Variants in NT5DC3 observed in about 807,000 individuals in gnomAD.
NT5DC3 encodes 5'-nucleotidase domain containing 3.
A neutral mutation model predicts 67.8 loss-of-function variants in NT5DC3; 42 were observed. The ratio of observed to expected loss-of-function variants is 0.62; its 90% CI spans 0.48 to 0.80. The LOEUF is 0.80. NT5DC3 is among the 30% of genes least tolerant of loss of function. NT5DC3 has a pLI of 0.00. For synonymous variants in NT5DC3, 237 were observed against 255.6 expected, an observed-to-expected ratio of 0.93 and a Z score of 0.69; for missense variants, 570 against 696.4, an observed-to-expected ratio of 0.82 and a Z score of 2.04.
chr12:103,748,615 C>CACACACAT, the NT5DC3 span, among the ~76,000 whole-genome samples: 1 of 33,062 alleles, frequency 3.0e-5, no homozygotes, highest in South Asian at 8.0e-4. Flanking sequence ...TACACACACA[C>CACACACAT]ACACACACAC....
intron 4 of NT5DC3, among the ~76,000 whole-genome samples, chr12:103,805,368 G>T (rs938506332): frequency 2.0e-5 from 3 of 152,182 alleles, no homozygotes; most frequent in Non-Finnish European, 4.4e-5. Context: ...TTGACTGTGT[G>T]ACTCTATCCA....
At chr12:103,768,550 A>AT, downstream of NT5DC3, among the ~76,000 whole-genome samples, 1 of 3,728 alleles carries the variant, frequency 2.7e-4, no homozygotes, top group Non-Finnish European at 4.9e-4. Flanking sequence ...GGGGAGAGGG[A>AT]GGGAGGCGGA....
In NT5DC3 at chr12:103,780,328, C is replaced by G; in HGVS notation, c.1366G>C (p.Glu456Gln). The change falls in exon 13 of 14, where the codon GAG (glutamate) becomes CAG (glutamine). Residue 456 changes from glutamate (E) to glutamine (Q), a missense_variant. Physicochemically the swap from Glu to Gln is conservative, Grantham distance 29 (BLOSUM62 2). This residue lies in a region of NT5DC3 where 466 missense variants were observed against 608.0 expected (regional missense o/e 0.77). Transcript: ENST00000392876. ...ATCTCCTTCCTTTCCTTTTTCCACT[C>G]CTGCAAAACCAGCTGTGACTCAGCA... ...RDAESQLVLQ[E>Q]WKKERKEMRE... 6.2e-7 allele frequency: 1 copy of G among 1,614,154 alleles called. No individual in the cohort carries two copies. The highest frequency in any genetic ancestry group is 8.5e-7 in the Non-Finnish European group (1 of 1,179,986).
intron 2 of NT5DC3, among the ~76,000 whole-genome samples, chr12:103,811,902 A>G (rs1887048790): frequency 6.6e-6 from 1 of 152,216 alleles, no homozygotes; most frequent in Admixed American, 6.5e-5. Flanking sequence ...GAGATCAGAC[A>G]TGGACACGGA....
At chr12:103,838,169 C>T (rs1353780948) in intron 1 of NT5DC3, among the ~76,000 whole-genome samples, 1 of 152,146 alleles carries the variant, frequency 6.6e-6, no homozygotes, top group East Asian at 1.9e-4. Flanking sequence ...ATGAGAATAG[C>T]ACAAGAAAGA....
chr12:103,837,027 C>G (rs1003274630), intron 1 of NT5DC3, among the ~76,000 whole-genome samples: 1 of 152,262 alleles, frequency 6.6e-6, no homozygotes, highest in East Asian at 1.9e-4. Flanking sequence ...AGGGCCCCGT[C>G]TCTGCAGCAA....
At chr12:103,780,245 G>A (rs1319232251) in intron 13 of NT5DC3, 55 bp downstream of exon 13, 13 of 1,473,974 alleles carry the variant, frequency 8.8e-6, no homozygotes, top group Non-Finnish European at 1.2e-5. Flanking sequence ...CATGTGGGCT[G>A]AGCACAGCCA....
intron 1 of NT5DC3, among the ~76,000 whole-genome samples, chr12:103,820,150 T>C (rs929239983): frequency 1.9e-4 from 29 of 152,250 alleles, no homozygotes; most frequent in African/African-American, 6.8e-4. Context: ...CATTTGTCAA[T>C]CAACAGGCCA....
In NT5DC3 at chr12:103,797,296, C is replaced by A. The variant is rs147633639; in HGVS notation, c.616-265G>T. Among the ~76,000 whole-genome samples, 763 of 152,024 alleles carry A rather than the reference C, an allele frequency of 5.0e-3. 8 individuals are homozygous for A. Among genetic ancestry groups the A allele is most frequent in the African/African-American group, 0.018 (738 of 41,468 alleles). Reference sequence around the variant, plus strand: ...ATCAGCCTGGACAACATCGTGAAACCCCGTCTCTACTAAAAAATACAAAAA... The same window carrying A: ...ATCAGCCTGGACAACATCGTGAAACACCGTCTCTACTAAAAAATACAAAAA... On this transcript the variant is annotated intron_variant, in intron 5 of 13. Transcript: ENST00000392876.
At chr12:103,746,657 C>T in the NT5DC3 span, 9 of 1,613,982 alleles carry the variant, frequency 5.6e-6, no homozygotes, top group Admixed American at 1.7e-5. Context: ...GAGAACAACA[C>T]GTGTGAGTGT....
At chr12:103,767,889 T>C (rs996308247), downstream of NT5DC3, among the ~76,000 whole-genome samples, 2 of 151,428 alleles carry the variant, frequency 1.3e-5, no homozygotes, top group Non-Finnish European at 2.9e-5. Context: ...GAGACCAGCC[T>C]GACTAACATG....
intron 1 of NT5DC3, among the ~76,000 whole-genome samples, chr12:103,830,015 A>C (rs1191560798): frequency 6.6e-6 from 1 of 152,198 alleles, no homozygotes; most frequent in Non-Finnish European, 1.5e-5. Context: ...CACTGTTCAA[A>C]ACTCTATCAG....
chr12:103,787,125 G>T (rs535859844), intron 11 of NT5DC3, among the ~76,000 whole-genome samples: 34 of 151,954 alleles, frequency 2.2e-4, no homozygotes, highest in African/African-American at 8.0e-4. Context: ...ATCGATGAAA[G>T]GAAAAAGAAC....
chr12:103,802,440 C>A (rs534960574), intron 4 of NT5DC3: 2 of 152,220 alleles, frequency 1.3e-5, no homozygotes, highest in African/African-American at 4.8e-5. Context: ...TTTGCCTGCC[C>A]GGAATCCTGT....
At chr12:103,766,078 T>C (rs1351553077), downstream of NT5DC3, 5 of 697,208 alleles carry the variant, frequency 7.2e-6, no homozygotes, top group African/African-American at 1.8e-5. Flanking sequence ...GCCACCCAGC[T>C]TCAAGCAGGA....
chr12:103,750,209 C>T, the NT5DC3 span, among the ~76,000 whole-genome samples: 5 of 152,104 alleles, frequency 3.3e-5, no homozygotes, highest in Non-Finnish European at 7.4e-5. Flanking sequence ...TGCTTGTGCA[C>T]AAGTAGAGAG....
chr12:103,793,598 G>A, intron 7 of NT5DC3, 86 bp from the exon 8 acceptor site: 1 of 933,248 alleles, frequency 1.1e-6, no homozygotes, highest in Non-Finnish European at 1.7e-6. Flanking sequence ...TTTGGGTCCA[G>A]CACTGTCCTA....
downstream of NT5DC3, chr12:103,766,111 C>A (rs934168842): frequency 3.6e-6 from 3 of 837,114 alleles, no homozygotes; most frequent in Admixed American, 2.0e-5. Flanking sequence ...GGTGGCCCTA[C>A]CCCCAGCCCA....
chr12:103,755,645 G>C, the NT5DC3 span: 1 of 1,614,194 alleles, frequency 6.2e-7, no homozygotes, highest in Non-Finnish European at 8.5e-7. Context: ...GGCTATGTGG[G>C]AGATGGCTTC....
Sources: gnomAD v4.1 joint callset for allele counts (sites outside exome capture counted in the v4.1 genomes callset) on GRCh38, gnomAD v4.1.1 for gene constraint, gnomAD v4.1.1 regional missense constraint, MANE v1.5 for transcripts, NCBI Gene and HGNC (gene_info 2026-07-23, HGNC 2026-07-21) for gene names.